The following SLC24A2 variants were observed in gnomAD, a reference collection of about 807,000 sequenced individuals.
The protein encoded by SLC24A2 is solute carrier family 24 member 2.
A neutral mutation model predicts 62.0 loss-of-function variants in SLC24A2; 36 were observed. The observed-to-expected ratio is 0.58, with a 90% confidence interval of 0.44 to 0.77. The LOEUF is 0.77. SLC24A2 is among the 30% of genes least tolerant of loss of function. SLC24A2 has a pLI of 0.00. For missense variants in SLC24A2, 846 were observed against 817.9 expected (o/e 1.03, Z -0.42); for synonymous variants, 358 against 294.0 (o/e 1.22, Z -2.23).
the SLC24A2 span, among the ~76,000 whole-genome samples, chr9:20,120,777 A>T: frequency 6.6e-6 from 1 of 152,150 alleles, no homozygotes; most frequent in African/African-American, 2.4e-5. Context: ...GAGATTTTAT[A>T]GACTTATGAT....
chr9:19,547,824 AAGAGAGAGAGAGAGACAGAC>A, intron 8 of SLC24A2, among the ~76,000 whole-genome samples: 1 of 150,892 alleles, frequency 6.6e-6, no homozygotes, highest in African/African-American at 2.4e-5. Context: ...ACAGCAGAGC[AAGAGAGAGAGAGAGACAGAC>A]AGAGAGAGGA....
chr9:20,027,737 T>C, the SLC24A2 span, among the ~76,000 whole-genome samples: 4 of 152,132 alleles, frequency 2.6e-5, no homozygotes, highest in Non-Finnish European at 4.4e-5. Context: ...ATCTATTTCA[T>C]AGCAAAGTGA....
chr9:19,676,473 TG>T (rs1269991346), intron 2 of SLC24A2, among the ~76,000 whole-genome samples: 1 of 152,236 alleles, frequency 6.6e-6, no homozygotes, highest in African/African-American at 2.4e-5. Flanking sequence ...GGCTCTGTCC[TG>T]GCACTGCGGC....
the SLC24A2 span, among the ~76,000 whole-genome samples, chr9:20,057,346 A>T: frequency 6.6e-6 from 1 of 152,226 alleles, no homozygotes; most frequent in African/African-American, 2.4e-5. Flanking sequence ...TTACTGATGT[A>T]AACTACGCAC....
chr9:19,819,975 GTAGA>G, the SLC24A2 span, among the ~76,000 whole-genome samples: 1 of 136,312 alleles, frequency 7.3e-6, no homozygotes, highest in Non-Finnish European at 1.5e-5. Flanking sequence ...CAATCAATGA[GTAGA>G]TAAAGAAACT....
At chr9:19,850,984 T>TATATATATATAC in the SLC24A2 span, among the ~76,000 whole-genome samples, 1 of 30,536 alleles carries the variant, frequency 3.3e-5, no homozygotes, top group African/African-American at 1.2e-4. Flanking sequence ...TATATATATA[T>TATATATATATAC]GTATATATAT....
At chr9:20,194,081 GT>G in the SLC24A2 span, among the ~76,000 whole-genome samples, 4 of 150,986 alleles carry the variant, frequency 2.6e-5, no homozygotes, top group Admixed American at 6.6e-5. Context: ...ATTGAGCTGG[GT>G]TTTTTTTTGG....
the SLC24A2 span, among the ~76,000 whole-genome samples, chr9:19,976,217 G>T: frequency 6.6e-6 from 1 of 152,114 alleles, no homozygotes; most frequent in South Asian, 2.1e-4. Flanking sequence ...AACAATTATT[G>T]TTATAGCTTT....
the SLC24A2 span, among the ~76,000 whole-genome samples, chr9:20,036,385 A>G: frequency 6.6e-6 from 1 of 151,862 alleles, no homozygotes; most frequent in Non-Finnish European, 1.5e-5. Flanking sequence ...GTACTCAATT[A>G]TTAGCTATAA....
chr9:20,087,265 T>C, the SLC24A2 span, among the ~76,000 whole-genome samples: 1,015 of 152,318 alleles, frequency 6.7e-3, 13 homozygotes, highest in African/African-American at 0.023. Context: ...ACCCTGATGA[T>C]ACTGGGGAAG....
chr9:19,683,874 C>T (rs774691268), intron 2 of SLC24A2, among the ~76,000 whole-genome samples: 18 of 152,186 alleles, frequency 1.2e-4, no homozygotes, highest in African/African-American at 3.6e-4. Context: ...GGGCTCCACA[C>T]CTCTTTTTGT....
At chr9:19,839,489 A>G in the SLC24A2 span, among the ~76,000 whole-genome samples, 1 of 151,646 alleles carries the variant, frequency 6.6e-6, no homozygotes, top group Non-Finnish European at 1.5e-5. Flanking sequence ...TTTTTTCTGT[A>G]TTTCTCTATA....
intron 2 of SLC24A2, among the ~76,000 whole-genome samples, chr9:19,705,029 T>C (rs1408980351): frequency 2.0e-5 from 3 of 152,152 alleles, no homozygotes; most frequent in Non-Finnish European, 2.9e-5. Flanking sequence ...CCTTCTCCCT[T>C]GGAAAATTTA....
the SLC24A2 span, among the ~76,000 whole-genome samples, chr9:19,910,983 T>C: frequency 1.8e-4 from 27 of 151,716 alleles, no homozygotes; most frequent in African/African-American, 5.8e-4. Context: ...TAGTTACATA[T>C]GTATACATGT....
At chr9:19,676,471 C>T (rs1333177171) in intron 2 of SLC24A2, among the ~76,000 whole-genome samples, 1 of 152,184 alleles carries the variant, frequency 6.6e-6, no homozygotes, top group Non-Finnish European at 1.5e-5. Flanking sequence ...TGGGCTCTGT[C>T]CTGGCACTGC....
chr9:20,073,181 G>C, the SLC24A2 span, among the ~76,000 whole-genome samples: 1 of 152,084 alleles, frequency 6.6e-6, no homozygotes, highest in African/African-American at 2.4e-5. Context: ...CTGTTGTCTG[G>C]GGCTGGAGTA....
At chr9:19,990,937 G>GTGTATATATATATATATATATATATATA in the SLC24A2 span, among the ~76,000 whole-genome samples, 5 of 135,210 alleles carry the variant, frequency 3.7e-5, no homozygotes, top group Non-Finnish European at 6.1e-5. Context: ...ATATATATAT[G>GTGTATATATATATATATATATATATATA]TATGTATATG....
the SLC24A2 span, among the ~76,000 whole-genome samples, chr9:19,821,534 G>A: frequency 5.9e-5 from 9 of 152,034 alleles, no homozygotes; most frequent in African/African-American, 2.2e-4. Flanking sequence ...TTTGATAATT[G>A]GGAGTAGAAC....
intron 5 of SLC24A2, among the ~76,000 whole-genome samples, chr9:19,579,695 T>C (rs1297559167): frequency 6.6e-6 from 1 of 152,152 alleles, no homozygotes; most frequent in Admixed American, 6.5e-5. Flanking sequence ...AAACCTAAAA[T>C]AACTCAACTC....
Sources: allele counts gnomAD v4.1 joint callset (sites outside exome capture counted in the v4.1 genomes callset), GRCh38; gene constraint gnomAD v4.1.1; transcripts MANE v1.5; gene names NCBI Gene and HGNC (gene_info 2026-07-23, HGNC 2026-07-21).